The following RUNX1 variants were observed in gnomAD, a reference collection of about 807,000 sequenced individuals.
RUNX1 encodes RUNX family transcription factor 1.
A neutral mutation model predicts 42.8 loss-of-function variants in RUNX1; 19 were observed. The observed-to-expected ratio is 0.44, with a 90% CI of 0.31 to 0.65. The LOEUF (loss-of-function observed/expected upper bound fraction) is 0.65, where lower values mean the gene tolerates loss of function less well. Among genes scored for constraint, RUNX1 ranks in the 30% least tolerant of loss-of-function variants. The pLI is 0.07. For synonymous variants in RUNX1, 271 were observed against 289.4 expected (o/e 0.94, Z 0.64); for missense variants, 528 against 672.0 (o/e 0.79, Z 2.37).
intron 3 of RUNX1, among the ~76,000 whole-genome samples, chr21:34,892,014 A>G (rs1423093367): frequency 6.6e-6 from 1 of 152,224 alleles, no homozygotes; most frequent in Non-Finnish European, 1.5e-5. Flanking sequence ...TCCCCAAAAT[A>G]TGCATAAAGA....
intron 6 of RUNX1, among the ~76,000 whole-genome samples, chr21:34,836,278 C>T (rs983751716): frequency 4.6e-5 from 7 of 152,230 alleles, no homozygotes; most frequent in African/African-American, 1.2e-4. Flanking sequence ...TTCTTGGCTG[C>T]GTATTTTAAG....
intron 2 of RUNX1, among the ~76,000 whole-genome samples, chr21:34,991,120 G>C (rs1217433256): frequency 6.6e-6 from 1 of 152,170 alleles, no homozygotes; most frequent in Non-Finnish European, 1.5e-5. Flanking sequence ...TGTCTCCACT[G>C]CTGCGCTGGC....
intron 2 of RUNX1, among the ~76,000 whole-genome samples, chr21:34,940,760 G>C (rs1404370236): frequency 6.6e-6 from 1 of 152,186 alleles, no homozygotes; most frequent in Non-Finnish European, 1.5e-5. Context: ...GCTTCATCTA[G>C]AACTTTCAGA....
chr21:34,898,808 C>T lies in RUNX1; in HGVS notation c.59-5845G>A, dbSNP rs376949755. ...CTACAGATTCTGCCTCAGCAGGTCT[C>T]GGAAGAAGCCTGAGATTCTTGGTTT... On this transcript the variant is annotated intron_variant, in intron 2 of 8. Coordinates refer to ENST00000675419, the MANE Select transcript of RUNX1 (RefSeq NM_001754.5). Among the ~76,000 whole-genome samples the T allele has an allele frequency of 3.9e-5, 6 of 152,210 alleles. No individual in the cohort carries two copies. The East Asian group carries it at 9.6e-4, about 24-fold the overall frequency.
chr21:34,841,830 G>C (rs114736217), intron 6 of RUNX1, among the ~76,000 whole-genome samples: 4,125 of 152,292 alleles, frequency 0.027, 66 homozygotes, highest in African/African-American at 0.04. Context: ...CATCCAGCCA[G>C]TCCCTAGCCC....
At chr21:34,934,318 A>G (rs1195626050) in intron 2 of RUNX1, among the ~76,000 whole-genome samples, 4 of 151,862 alleles carry the variant, frequency 2.6e-5, no homozygotes, top group Non-Finnish European at 4.4e-5. Flanking sequence ...CCCTTCTGTT[A>G]GATTTGAACT....
At chr21:35,022,421 T>A (rs2059205615) in intron 2 of RUNX1, among the ~76,000 whole-genome samples, 1 of 152,232 alleles carries the variant, frequency 6.6e-6, no homozygotes. Context: ...CAGCAGGAGC[T>A]GGGGAACATT....
intron 6 of RUNX1, among the ~76,000 whole-genome samples, chr21:34,835,708 G>A (rs1317702454): frequency 6.6e-6 from 1 of 152,174 alleles, no homozygotes; most frequent in Non-Finnish European, 1.5e-5. Flanking sequence ...CCAATAAAGA[G>A]TCCTTGATCG....
intron 6 of RUNX1, among the ~76,000 whole-genome samples, chr21:34,837,983 A>G (rs1221330664): frequency 7.0e-6 from 1 of 143,444 alleles, no homozygotes; most frequent in Non-Finnish European, 1.5e-5. Flanking sequence ...AAAAAAGGGG[A>G]AAAAATTGTA....
At chr21:34,967,319 C>CA (rs398036394) in intron 2 of RUNX1, among the ~76,000 whole-genome samples, 589 of 15,656 alleles carry the variant, frequency 0.038, 83 homozygotes, top group African/African-American at 0.04. Flanking sequence ...GACTCGGTCT[C>CA]AAAAAAAAAA....
At chr21:34,913,034 C>T (rs1194080159) in intron 2 of RUNX1, among the ~76,000 whole-genome samples, 7 of 152,164 alleles carry the variant, frequency 4.6e-5, no homozygotes, top group Non-Finnish European at 7.3e-5. Context: ...AGTTTAAAAC[C>T]AGCCTGGTCA....
intron 3 of RUNX1, chr21:34,889,929 C>T (rs2058059184): frequency 1.1e-6 from 1 of 900,434 alleles, no homozygotes; most frequent in Non-Finnish European, 1.4e-6. Context: ...CGGATCCCGG[C>T]CCCGTTCCAC....
intron 2 of RUNX1, among the ~76,000 whole-genome samples, chr21:35,035,541 A>T (rs2059301692): frequency 6.6e-6 from 1 of 152,238 alleles, no homozygotes; most frequent in Non-Finnish European, 1.5e-5. Flanking sequence ...GGGAATTAGT[A>T]GCTGTGCCTA....
chr21:35,015,509 C>T (rs2242886), intron 2 of RUNX1, among the ~76,000 whole-genome samples: 8,624 of 152,194 alleles, frequency 0.057, 312 homozygotes, highest in Non-Finnish European at 0.069. Flanking sequence ...TCGTCCTACT[C>T]GCCAATAATG....
At chr21:34,946,183 C>A (rs779389038) in intron 2 of RUNX1, among the ~76,000 whole-genome samples, 3 of 152,208 alleles carry the variant, frequency 2.0e-5, no homozygotes, top group Non-Finnish European at 4.4e-5. Flanking sequence ...CCACTCTGTT[C>A]CGTGCCTCAC....
chr21:34,970,569 C>T (rs944010625), intron 2 of RUNX1, among the ~76,000 whole-genome samples: 2 of 152,192 alleles, frequency 1.3e-5, no homozygotes, highest in Non-Finnish European at 2.9e-5. Flanking sequence ...TTTCAGCCCT[C>T]CACTTCCCTT....
At chr21:35,047,081 G>A (rs1019803452) in intron 2 of RUNX1, among the ~76,000 whole-genome samples, 2 of 152,016 alleles carry the variant, frequency 1.3e-5, no homozygotes, top group African/African-American at 4.8e-5. Context: ...AGAGCCCCAG[G>A]GGCCAGCACT....
chr21:34,855,776 T>C (rs924896628), intron 6 of RUNX1, among the ~76,000 whole-genome samples: 6 of 152,182 alleles, frequency 3.9e-5, no homozygotes, highest in Admixed American at 2.6e-4. Context: ...TTTCGCTCTA[T>C]CTTTTGTGCT....
chr21:34,835,153 C>G (rs79609088), intron 6 of RUNX1, among the ~76,000 whole-genome samples: 4,917 of 152,208 alleles, frequency 0.032, 95 homozygotes, highest in African/African-American at 0.053. Context: ...GGGGAGGTCC[C>G]ATTTCCAGGT....
Sources: gnomAD v4.1 joint callset for allele counts (sites outside exome capture counted in the v4.1 genomes callset) on GRCh38, gnomAD v4.1.1 for gene constraint, MANE v1.5 for transcripts, NCBI Gene and HGNC (gene_info 2026-07-23, HGNC 2026-07-21) for gene names.